PTPRM: variants seen among roughly 807,000 people sequenced by gnomAD.
PTPRM encodes protein tyrosine phosphatase receptor type M.
PTPRM carries 47 observed loss-of-function variants against 186.7 expected under a neutral mutation model. That is an observed-to-expected ratio of 0.25 (90% CI 0.20 to 0.32). The LOEUF is 0.32. PTPRM is among the 10% of genes least tolerant of loss of function. The pLI, the probability that PTPRM is intolerant of heterozygous loss-of-function variation, is 1.00. For missense variants in PTPRM, 1,494 were observed against 1,865.0 expected, an observed-to-expected ratio of 0.80 and a Z score of 3.66; for synonymous variants, 668 against 674.9, an observed-to-expected ratio of 0.99 and a Z score of 0.16.
intron 11 of PTPRM, among the ~76,000 whole-genome samples, chr18:8,089,481 G>C (rs532209993): frequency 1.3e-5 from 2 of 152,044 alleles, no homozygotes; most frequent in African/African-American, 4.8e-5. Flanking sequence ...TTATTTCCAC[G>C]ACAGAGCAAA....
chr18:7,924,631 G>A (rs1368629521), intron 4 of PTPRM, among the ~76,000 whole-genome samples: 1 of 152,156 alleles, frequency 6.6e-6, no homozygotes, highest in Non-Finnish European at 1.5e-5. Context: ...TTTAATAATT[G>A]TAAGTAATAT....
At chr18:8,070,743 A>G (rs2089421907) in intron 8 of PTPRM, among the ~76,000 whole-genome samples, 1 of 152,206 alleles carries the variant, frequency 6.6e-6, no homozygotes, top group African/African-American at 2.4e-5. Flanking sequence ...ATAAAATACA[A>G]TGGTAGTATA....
At chr18:8,108,092 C>A (rs2091601482) in intron 11 of PTPRM, among the ~76,000 whole-genome samples, 1 of 152,142 alleles carries the variant, frequency 6.6e-6, no homozygotes, top group African/African-American at 2.4e-5. Flanking sequence ...GGCATTAACC[C>A]TTAGTTACAC....
intron 5 of PTPRM, among the ~76,000 whole-genome samples, chr18:7,948,765 C>T (rs2052729054): frequency 6.6e-6 from 1 of 152,128 alleles, no homozygotes. Context: ...TTTATTACTT[C>T]ATTTATAAAA....
chr18:8,210,288 G>T (rs1005234431), intron 14 of PTPRM, among the ~76,000 whole-genome samples: 4 of 152,122 alleles, frequency 2.6e-5, no homozygotes, highest in African/African-American at 9.7e-5. Context: ...TCCAGCCAAG[G>T]CGACAGAGAG....
Position 7,842,947 on chromosome 18 carries a change from T to TATAGAGAG in PTPRM, c.197-45158_197-45157insTAGAGAGA, listed in dbSNP as rs370746043. On this transcript the variant is annotated intron_variant, in intron 2 of 32. Transcript: ENST00000580170. The stretch of plus-strand genomic sequence containing the variant: ...GTGTGTGTGTATATATATATATATA[T>TATAGAGAG]AGAGAGAGAGAGAGAGAGAGAGAGA... Among the ~76,000 whole-genome samples the TATAGAGAG allele has an allele frequency of 3.6e-3, 406 of 112,090 alleles. 2 individuals are homozygous for TATAGAGAG. The highest frequency in any genetic ancestry group is 0.013 in the African/African-American group (315 of 23,778). 73.5% of individuals were successfully genotyped at this position (112,090 alleles called of 152,430 possible). A position where few individuals can be genotyped will look rare whatever the true frequency, so the allele number is the denominator to read the frequency against.
intron 30 of PTPRM, among the ~76,000 whole-genome samples, 188 bp downstream of exon 30, chr18:8,384,874 T>C (rs760605695): frequency 6.6e-6 from 1 of 152,190 alleles, no homozygotes; most frequent in Non-Finnish European, 1.5e-5. Context: ...TAGAAAGTAA[T>C]GATACTTATT....
chr18:7,946,899 G>A lies in PTPRM; in HGVS notation c.664-2282G>A, dbSNP rs2052562032. 4.8e-5 allele frequency: 22 copies of A among 455,744 alleles called. 1 individual carries two copies. Among genetic ancestry groups the A allele is most frequent in the South Asian group, 3.3e-4 (21 of 64,518 alleles). The allele number at this position is 455,744 out of a possible 1,614,324, so 28.2% of individuals were successfully genotyped here. A position where few individuals can be genotyped will look rare whatever the true frequency, so the allele number is the denominator to read the frequency against. On this transcript the variant is annotated intron_variant, in intron 5 of 32. Coordinates refer to ENST00000580170, the MANE Select transcript of PTPRM (RefSeq NM_001105244.2). ...TCACTGCCCAAGCTGAAGCTGCCTGGGAGGAAGGGCTGAGCATGCCTAGCC... is the reference window on the plus strand; with the variant it reads ...TCACTGCCCAAGCTGAAGCTGCCTGAGAGGAAGGGCTGAGCATGCCTAGCC...
intron 20 of PTPRM, among the ~76,000 whole-genome samples, chr18:8,300,608 A>G (rs888130936): frequency 2.6e-5 from 4 of 151,850 alleles, no homozygotes; most frequent in African/African-American, 9.7e-5. Flanking sequence ...GTCTATGTGC[A>G]GTGGCCCACT....
At chr18:7,672,877 G>C (rs1259907582) in intron 1 of PTPRM, among the ~76,000 whole-genome samples, 2 of 152,164 alleles carry the variant, frequency 1.3e-5, no homozygotes, top group Non-Finnish European at 2.9e-5. Context: ...TGATGTTGGA[G>C]CCCAATCTGC....
rs115732397 is a variant in PTPRM, at chr18:7,892,923, C to T, written c.468+4546C>T. On this transcript the variant is annotated intron_variant, in intron 3 of 32. Transcript: ENST00000580170. ...GAGGGCTGTCCCCTCGTCACCCCAT[C>T]GCCTCCCCAAGGCCCACCTCCTAAT... Among the ~76,000 whole-genome samples the T allele has an allele frequency of 3.8e-3, 581 of 152,258 alleles. 3 individuals carry two copies. Among genetic ancestry groups the T allele is most frequent in the African/African-American group, 0.014 (561 of 41,552 alleles).
At chr18:8,001,203 G>A (rs1034923304) in intron 7 of PTPRM, among the ~76,000 whole-genome samples, 2 of 152,164 alleles carry the variant, frequency 1.3e-5, no homozygotes, top group African/African-American at 2.4e-5. Flanking sequence ...GTCTGAATTC[G>A]TTGCAAGTCT....
intron 7 of PTPRM, among the ~76,000 whole-genome samples, chr18:7,988,886 C>A (rs1054286363): frequency 9.2e-5 from 14 of 152,092 alleles, no homozygotes. Context: ...TGTACAATAT[C>A]TGTTTGATTT....
chr18:8,290,943 TTAAAATCTGCCC>T (rs2095036217), intron 19 of PTPRM, among the ~76,000 whole-genome samples: 1 of 152,180 alleles, frequency 6.6e-6, no homozygotes, highest in African/African-American at 2.4e-5. Flanking sequence ...ACCTGCATAT[TTAAAATCTGCCC>T]TAAACACTAA....
rs79948022 is a variant in PTPRM, at chr18:8,126,680, G to T, written c.2167+11853G>T. Among the ~76,000 whole-genome samples, 3 of 152,234 alleles carry T rather than the reference G, an allele frequency of 2.0e-5. No individual in the cohort carries two copies. In the South Asian group the frequency reaches 6.2e-4, roughly 32 times the overall value. On this transcript the variant is annotated intron_variant, in intron 13 of 32. Transcript: ENST00000580170. The stretch of plus-strand genomic sequence containing the variant: ...GGTAGATAATGTCTGTCCTTCTGGG[G>T]ACCCAAGGTTCTCTATTTGTAAGAT...
chr18:7,966,743 C>T (rs1266051514), intron 7 of PTPRM, among the ~76,000 whole-genome samples: 3 of 143,438 alleles, frequency 2.1e-5, no homozygotes, highest in East Asian at 4.0e-4. Flanking sequence ...CTGCGCTTTT[C>T]AGACCGGCTT....
intron 7 of PTPRM, among the ~76,000 whole-genome samples, chr18:7,987,446 A>G (rs982664213): frequency 6.6e-6 from 1 of 152,216 alleles, no homozygotes; most frequent in Non-Finnish European, 1.5e-5. Context: ...TATAACAGAC[A>G]TGAGAATCAG....
At chr18:8,330,919 C>G (rs1470969200) in intron 22 of PTPRM, among the ~76,000 whole-genome samples, 1 of 152,124 alleles carries the variant, frequency 6.6e-6, no homozygotes, top group African/African-American at 2.4e-5. Flanking sequence ...GACTGAAGGT[C>G]CCTCTGGAAG....
At chr18:8,014,309 A>G (rs568435537) in intron 7 of PTPRM, among the ~76,000 whole-genome samples, 1 of 152,206 alleles carries the variant, frequency 6.6e-6, no homozygotes, top group East Asian at 1.9e-4. Flanking sequence ...GTTTTTCATG[A>G]TAAGTAATCT....
Sources: gnomAD v4.1 joint callset for allele counts (sites outside exome capture counted in the v4.1 genomes callset) on GRCh38, gnomAD v4.1.1 for gene constraint, MANE v1.5 for transcripts, NCBI Gene and HGNC (gene_info 2026-07-23, HGNC 2026-07-21) for gene names.